The following SLC25A31 variants were observed in gnomAD, a reference collection of about 807,000 sequenced individuals.
SLC25A31 encodes the protein ADP/ATP translocase 4.
SLC25A31 carries 40 observed loss-of-function variants against 36.2 expected under a neutral mutation model. The observed-to-expected ratio is 1.10, with a 90% CI of 0.86 to 1.44. The LOEUF (loss-of-function observed/expected upper bound fraction) is 1.44. Ranked by LOEUF, SLC25A31 falls within the 40% of genes most tolerant of loss-of-function variation. The pLI is 0.00. For synonymous variants in SLC25A31, 143 were observed against 149.7 expected (o/e 0.96, Z 0.32); for missense variants, 350 against 397.1 (o/e 0.88, Z 1.01).
rs761883245 is a variant in SLC25A31, at chr4:127,730,593, C to T, written c.48C>T (p.Asp16=). The part of the protein sequence containing the change: ...AKKKAEKRLF[D]ASSFGKDLLA... ...AGAAGGCAGAAAAGCGGCTGTTTGA[C>T]GCCTCATCCTTCGGGAAGGACCTTC... is the stretch of plus-strand genomic sequence containing the variant. Residue 16 remains aspartate (D), a synonymous_variant, in exon 1 of 6, where the codon GAC becomes GAT. Transcript: ENST00000281154. 1 of 1,614,094 alleles carries T rather than the reference C, an allele frequency of 6.2e-7. No individual in the cohort carries two copies. Among genetic ancestry groups the T allele is most frequent in the Non-Finnish European group, 8.5e-7 (1 of 1,179,954 alleles).
chr4:127,762,936 AAG>A (rs1032447466), intron 2 of SLC25A31, among the ~76,000 whole-genome samples: 2 of 151,968 alleles, frequency 1.3e-5, no homozygotes, highest in Non-Finnish European at 2.9e-5. Flanking sequence ...AAAAAAAAAA[AAG>A]AAATTTATAG....
At chr4:127,760,630 T>C (rs1732109140) in intron 2 of SLC25A31, among the ~76,000 whole-genome samples, 1 of 152,366 alleles carries the variant, frequency 6.6e-6, no homozygotes, top group Admixed American at 6.5e-5. Flanking sequence ...TGATGCATCA[T>C]TGAGTCTTTT....
intron 1 of SLC25A31, among the ~76,000 whole-genome samples, chr4:127,735,879 TATTTATTTA>T (rs1731618082): frequency 1.4e-5 from 1 of 72,312 alleles, no homozygotes; most frequent in African/African-American, 4.8e-5. Flanking sequence ...TTTATTTATT[TATTTATTTA>T]TTTATTTATT....
intron 2 of SLC25A31, among the ~76,000 whole-genome samples, chr4:127,762,689 C>A (rs1420164190): frequency 6.6e-6 from 1 of 152,016 alleles, no homozygotes; most frequent in African/African-American, 2.4e-5. Context: ...GAGGCCTAGG[C>A]AGGCGGATCA....
chr4:127,760,892 A>T (rs1732114725), intron 2 of SLC25A31, among the ~76,000 whole-genome samples: 1 of 152,174 alleles, frequency 6.6e-6, no homozygotes, highest in Admixed American at 6.5e-5. Flanking sequence ...ACAAAAAATT[A>T]GCCGAGTGTG....
intron 2 of SLC25A31, among the ~76,000 whole-genome samples, chr4:127,762,181 A>C (rs961251326): frequency 2.0e-5 from 3 of 152,340 alleles, no homozygotes; most frequent in Admixed American, 2.0e-4. Context: ...AAACAAATGG[A>C]AACAACCCAA....
rs781131080 is a variant in SLC25A31, at chr4:127,742,076, C to A, written c.233-2596C>A. On this transcript the variant is annotated intron_variant, in intron 1 of 5. Transcript: ENST00000281154. ...TTGTTTATCTTCTTCTAATAAAATA[C>A]CAACCAGCACTGGATCTCAAAAAAA... is the stretch of plus-strand genomic sequence containing the variant. 8.5e-4 allele frequency among the ~76,000 whole-genome samples: 129 copies of A among 152,140 alleles called. 1 individual carries two copies. Among genetic ancestry groups the A allele is most frequent in the African/African-American group, 2.9e-3 (122 of 41,498 alleles).
chr4:127,747,848 C>A (rs915831177), intron 2 of SLC25A31, among the ~76,000 whole-genome samples: 36 of 152,254 alleles, frequency 2.4e-4, no homozygotes, highest in African/African-American at 8.4e-4. Context: ...CTTAGAAAAT[C>A]TGTTATACTG....
chr4:127,757,380 T>C (rs1176917855), intron 2 of SLC25A31, among the ~76,000 whole-genome samples: 1 of 152,322 alleles, frequency 6.6e-6, no homozygotes, highest in East Asian at 1.9e-4. Context: ...AGTGAGAACA[T>C]GAAGTATTTA....
intron 1 of SLC25A31, among the ~76,000 whole-genome samples, chr4:127,731,760 C>T (rs1191637687): frequency 4.6e-5 from 7 of 151,972 alleles, no homozygotes; most frequent in Non-Finnish European, 1.0e-4. Flanking sequence ...AGCTGTTCTC[C>T]TTTCTCTTTA....
chr4:127,749,528 G>A (rs756893327), intron 2 of SLC25A31, among the ~76,000 whole-genome samples: 5 of 152,022 alleles, frequency 3.3e-5, no homozygotes, highest in Non-Finnish European at 5.9e-5. Context: ...GGCGGATCAC[G>A]AGGTCAGCAG....
chr4:127,773,322 A>C (rs1452696514), intron 5 of SLC25A31, 64 bp from the exon 6 acceptor site: 1 of 1,451,622 alleles, frequency 6.9e-7, no homozygotes, highest in South Asian at 1.3e-5. Context: ...TAGTGCTAAT[A>C]GAAGACTGTC....
chr4:127,734,477 T>C (rs1388719261), intron 1 of SLC25A31, among the ~76,000 whole-genome samples: 1 of 146,928 alleles, frequency 6.8e-6, no homozygotes, highest in Non-Finnish European at 1.5e-5. Context: ...CAAGAATCAC[T>C]TGAACCTGGG....
chr4:127,765,731 G>GA (rs1161373216), intron 3 of SLC25A31, among the ~76,000 whole-genome samples: 1 of 152,078 alleles, frequency 6.6e-6, no homozygotes, highest in African/African-American at 2.4e-5. Context: ...AAATGCTAGG[G>GA]AAAAAAGTTA....
chr4:127,771,235 G>C (rs990862580), intron 5 of SLC25A31, among the ~76,000 whole-genome samples: 1 of 152,002 alleles, frequency 6.6e-6, no homozygotes, highest in Non-Finnish European at 1.5e-5. Flanking sequence ...AGGATTACAG[G>C]CCTGAACCAC....
intron 2 of SLC25A31, among the ~76,000 whole-genome samples, chr4:127,758,342 T>C (rs1452854662): frequency 2.6e-5 from 4 of 152,274 alleles, no homozygotes; most frequent in African/African-American, 9.6e-5. Context: ...ATTTGGTTTT[T>C]TTCTGGTCAA....
Position 127,757,979 on chromosome 4 carries a change from A to C in SLC25A31, c.361-6264A>C, listed in dbSNP as rs138168685. On this transcript the variant is annotated intron_variant, in intron 2 of 5. Transcript: ENST00000281154. ...TTCCACATGGCTGGGGAGGCCTCAG[A>C]ATCGTGGTGGGTGGTGAAGGGCACT... is the stretch of plus-strand genomic sequence containing the variant. 7.3e-3 allele frequency among the ~76,000 whole-genome samples: 1,105 copies of C among 152,286 alleles called. 12 individuals are homozygous for C. Among genetic ancestry groups the C allele is most frequent in the African/African-American group, 0.025 (1,051 of 41,560 alleles).
At chr4:127,737,060 G>A (rs1276073472) in intron 1 of SLC25A31, among the ~76,000 whole-genome samples, 5 of 152,174 alleles carry the variant, frequency 3.3e-5, no homozygotes, top group Non-Finnish European at 5.9e-5. Context: ...CTTAGCAGGG[G>A]CATTGGAGTT....
intron 4 of SLC25A31, 137 bp from the exon 5 acceptor site, chr4:127,768,615 A>G (rs1732290880): frequency 9.0e-6 from 6 of 667,810 alleles, no homozygotes; most frequent in Middle Eastern, 8.8e-4. Flanking sequence ...ATCTGCTACT[A>G]TTAAATCCAA....
Sources: gnomAD v4.1 joint callset for allele counts (sites outside exome capture counted in the v4.1 genomes callset) on GRCh38, gnomAD v4.1.1 for gene constraint, MANE v1.5 for transcripts, NCBI Gene and HGNC (gene_info 2026-07-23, HGNC 2026-07-21) for gene names.